Variants in NEDD4L observed in about 807,000 individuals in gnomAD.
NEDD4L encodes the protein E3 ubiquitin-protein ligase NEDD4-like.
NEDD4L carries 54 observed loss-of-function variants against 148.9 expected under a neutral mutation model. The observed-to-expected ratio is 0.36, with a 90% CI of 0.29 to 0.45. The LOEUF (loss-of-function observed/expected upper bound fraction) is 0.45. NEDD4L is among the 20% of genes least tolerant of loss of function. The pLI, the probability that NEDD4L is intolerant of heterozygous loss-of-function variation, is 1.00. For synonymous variants in NEDD4L, 433 were observed against 440.7 expected, an observed-to-expected ratio of 0.98 and a Z score of 0.22; for missense variants, 856 against 1,233.8, an observed-to-expected ratio of 0.69 and a Z score of 4.59.
chr18:58,132,494 C>T (rs1165396542), intron 1 of NEDD4L, among the ~76,000 whole-genome samples: 1 of 152,192 alleles, frequency 6.6e-6, no homozygotes, highest in African/African-American at 2.4e-5. Flanking sequence ...CCTTTGAACC[C>T]TCCTATTGTC....
Position 58,256,693 on chromosome 18 carries a change from A to G in NEDD4L, c.297+4639A>G. On this transcript the variant is annotated intron_variant, in intron 5 of 30. Transcript: ENST00000400345. This position sits in a 1 kb window ranked among gnomAD's most constrained non-coding sequence, Gnocchi z 5.2. ...GGCAGCAGCATTTTAGAATTCTTGT[A>G]ACCCGGGGGCCGGAAGAAGCTCCCC... is the stretch of plus-strand genomic sequence containing the variant. The G allele has an allele frequency of 5.7e-6, 7 of 1,232,194 alleles. No homozygotes were observed. Among genetic ancestry groups the G allele is most frequent in the Non-Finnish European group, 6.1e-6 (6 of 988,030 alleles). The allele number at this position is 1,232,194 out of a possible 1,614,324, so 76.3% of individuals were successfully genotyped here.
intron 23 of NEDD4L, chr18:58,372,321 G>C (rs2046992093): frequency 6.7e-6 from 1 of 149,114 alleles, no homozygotes; most frequent in Admixed American, 6.7e-5. Flanking sequence ...TTGCTATGCT[G>C]CTTAGGCTGG....
At chr18:58,392,531 A>G (rs2147024786) in intron 30 of NEDD4L, among the ~76,000 whole-genome samples, 1 of 150,590 alleles carries the variant, frequency 6.6e-6, no homozygotes, top group East Asian at 1.9e-4. Context: ...CCTCACCAGA[A>G]AGGTGTTTTT....
At chr18:58,066,659 C>T (rs922394225) in intron 1 of NEDD4L, among the ~76,000 whole-genome samples, 2 of 151,924 alleles carry the variant, frequency 1.3e-5, no homozygotes, top group African/African-American at 2.4e-5. Flanking sequence ...CATGAGACTG[C>T]GTAATTTATA....
At chr18:58,334,146 T>C (rs2041405051) in intron 12 of NEDD4L, 2 of 416,866 alleles carry the variant, frequency 4.8e-6, no homozygotes, top group East Asian at 7.9e-5. Flanking sequence ...TTTGATTTGC[T>C]CACTTAAACC....
intron 21 of NEDD4L, 133 bp from the exon 22 acceptor site, chr18:58,367,612 GC>G: frequency 1.1e-6 from 1 of 896,868 alleles, no homozygotes; most frequent in Non-Finnish European, 1.7e-6. Context: ...AGGTCCTCTA[GC>G]CCACACATTT....
chr18:58,063,213 TTTTTTA>T (rs1260932738), intron 1 of NEDD4L, among the ~76,000 whole-genome samples: 1 of 151,362 alleles, frequency 6.6e-6, no homozygotes, highest in Non-Finnish European at 1.5e-5. Context: ...GCCTGGCTAA[TTTTTTA>T]TTTTTATTTT....
rs1336558375 is a variant in NEDD4L at position 58,201,448 on chromosome 18, G to A, written c.122+35587G>A. Among the ~76,000 whole-genome samples the A allele has an allele frequency of 1.2e-4, 19 of 152,160 alleles. 1 individual carries two copies. Among genetic ancestry groups the A allele is most frequent in the Admixed American group, 1.2e-3 (18 of 15,276 alleles). ...CAGCATAATGAAACCCCATCACTCA[G>A]CCTCAACCGTTGTTAACAGTTTACT... On this transcript the variant is annotated intron_variant, in intron 2 of 30. Coordinates refer to ENST00000400345, the MANE Select transcript of NEDD4L (RefSeq NM_001144967.3).
At chr18:58,216,120 G>T (rs147642879) in intron 2 of NEDD4L, among the ~76,000 whole-genome samples, 88 of 152,182 alleles carry the variant, frequency 5.8e-4, no homozygotes, top group African/African-American at 2.0e-3. Flanking sequence ...ACTAGTTTAT[G>T]TTGCAATCAG....
chr18:58,049,545 G>C lies in NEDD4L; in HGVS notation c.48+4837G>C, dbSNP rs543294892. 7.2e-5 allele frequency among the ~76,000 whole-genome samples: 11 copies of C among 152,278 alleles called. No homozygotes were observed. In the South Asian group the frequency reaches 2.1e-3, roughly 29 times the overall value. ...TGCCAAGTCCAAGTGCCTGTGTCGG[G>C]CCTAGATGCTGGATGGTAGACTGTA... On this transcript the variant is annotated intron_variant, in intron 1 of 30. Coordinates refer to ENST00000400345, the MANE Select transcript of NEDD4L (RefSeq NM_001144967.3).
intron 5 of NEDD4L, among the ~76,000 whole-genome samples, chr18:58,278,496 T>G (rs2052497164): frequency 6.6e-6 from 1 of 152,242 alleles, no homozygotes; most frequent in South Asian, 2.1e-4. Flanking sequence ...GTATGGATTT[T>G]ACAGATCTTA....
chr18:58,062,781 A>AG (rs2082390226), intron 1 of NEDD4L, among the ~76,000 whole-genome samples: 2 of 152,056 alleles, frequency 1.3e-5, no homozygotes, highest in South Asian at 4.1e-4. Context: ...GAGGTCAGGA[A>AG]ATTGAGACCA....
At position 58,383,268 on chromosome 18, in the gene NEDD4L, C is replaced by T; in HGVS notation, c.2375C>T (p.Pro792Leu). 1 of 1,540,526 alleles carries T rather than the reference C, an allele frequency of 6.5e-7. No homozygotes were observed. The highest frequency in any genetic ancestry group is 8.8e-7 in the Non-Finnish European group (1 of 1,136,124). Residue 792 changes from proline to leucine, a missense_variant, in exon 25 of 31, where the codon CCC becomes CTC. By Grantham distance (98) the Pro-to-Leu change is moderately conservative (BLOSUM62 -3). Transcript: ENST00000400345. ...CAGACATATCAAGTGGATTTGAAGC[C>T]CAATGGGTCAGAAATAATGGTCACA... ...FGQTYQVDLKPNGSEIMVTNE... is the reference protein window; with the variant it reads ...FGQTYQVDLKLNGSEIMVTNE...
chr18:58,157,935 G>A (rs556919933), intron 1 of NEDD4L, among the ~76,000 whole-genome samples: 8 of 152,324 alleles, frequency 5.3e-5, no homozygotes, highest in African/African-American at 1.4e-4. Context: ...TAGTTTTAGA[G>A]TTAGCAGCTT....
intron 16 of NEDD4L, among the ~76,000 whole-genome samples, chr18:58,347,569 C>T (rs912800568): frequency 1.3e-5 from 2 of 152,122 alleles, no homozygotes; most frequent in South Asian, 2.1e-4. Flanking sequence ...CCTAAATCAG[C>T]TTAGCATATT....
At chr18:58,321,311 G>A (rs185779686) in intron 6 of NEDD4L, among the ~76,000 whole-genome samples, 1 of 152,360 alleles carries the variant, frequency 6.6e-6, no homozygotes, top group African/African-American at 2.4e-5. Flanking sequence ...CACTTGGATG[G>A]CAAAGTGGAA....
At chr18:58,108,258 A>T (rs1237321723) in intron 1 of NEDD4L, among the ~76,000 whole-genome samples, 1 of 152,236 alleles carries the variant, frequency 6.6e-6, no homozygotes, top group Admixed American at 6.5e-5. Flanking sequence ...AAATCACAGT[A>T]CAGTTCTTAT....
rs977133867 is a variant in NEDD4L at position 58,227,372 on chromosome 18, G to T, written c.123-18055G>T. 3.3e-5 allele frequency among the ~76,000 whole-genome samples: 5 copies of T among 152,182 alleles called. 1 individual carries two copies. The East Asian group carries it at 9.6e-4, about 29-fold the overall frequency. ...GAGTCTCCAGGCAGTCTTCCTGGGG[G>T]TGTCCTGAAGGACCTCCTGATCGTG... On this transcript the variant is annotated intron_variant, in intron 2 of 30. Transcript: ENST00000400345.
chr18:58,072,055 A>G (rs2082896943), intron 1 of NEDD4L, among the ~76,000 whole-genome samples: 1 of 152,216 alleles, frequency 6.6e-6, no homozygotes, highest in South Asian at 2.1e-4. Flanking sequence ...ATTCATGTAG[A>G]TGCAAATGGC....
Sources: allele counts gnomAD v4.1 joint callset (sites outside exome capture counted in the v4.1 genomes callset), GRCh38; gene constraint gnomAD v4.1.1; non-coding constraint Gnocchi (gnomAD v3.1); transcripts MANE v1.5; gene names NCBI Gene and HGNC (gene_info 2026-07-23, HGNC 2026-07-21).